REV3L: variants seen among roughly 807,000 people sequenced by gnomAD.
REV3L encodes REV3 like, DNA directed polymerase zeta catalytic subunit.
A neutral mutation model predicts 299.4 loss-of-function variants in REV3L; 69 were observed. The observed-to-expected ratio is 0.23, with a 90% CI of 0.19 to 0.28. REV3L has a LOEUF of 0.28. Among genes scored for constraint, REV3L ranks in the 10% least tolerant of loss-of-function variants. REV3L has a pLI of 1.00. For synonymous variants in REV3L, 1,238 were observed against 1,271.4 expected (o/e 0.97, Z 0.56); for missense variants, 3,128 against 3,693.8 (o/e 0.85, Z 3.97).
At chr6:111,410,622 G>A (rs1255259259) in intron 3 of REV3L, among the ~76,000 whole-genome samples, 1 of 152,182 alleles carries the variant, frequency 6.6e-6, no homozygotes, top group Non-Finnish European at 1.5e-5. Flanking sequence ...CAGGATGTAA[G>A]AAAACTAGTT....
intron 1 of REV3L, among the ~76,000 whole-genome samples, chr6:111,419,526 C>T (rs1785092622): frequency 6.6e-6 from 1 of 152,178 alleles, no homozygotes; most frequent in African/African-American, 2.4e-5. Context: ...GCTGTAAAGT[C>T]TTTAGAGATA....
In REV3L at chr6:111,333,377, G is replaced by A; in HGVS notation, c.7681-10C>T. ...TTGATTCCACACGGTACTGCAGGGA[G>A]AAAGGGAGGTGAGAAGAGAAGAAAC... On this transcript the variant is annotated splice_polypyrimidine_tract_variant and intron_variant, in intron 22 of 31. Coordinates refer to ENST00000368802, the MANE Select transcript of REV3L (RefSeq NM_001372078.1). 2 of 1,612,298 alleles carry A rather than the reference G, an allele frequency of 1.2e-6. No individual in the cohort carries two copies. The highest frequency in any genetic ancestry group is 8.5e-7 in the Non-Finnish European group (1 of 1,178,618).
At chr6:111,377,248 T>A (rs911858352) in intron 12 of REV3L, among the ~76,000 whole-genome samples, 1 of 152,220 alleles carries the variant, frequency 6.6e-6, no homozygotes, top group Non-Finnish European at 1.5e-5. Context: ...AACATCACTA[T>A]AGCCTCCCTT....
chr6:111,427,048 CA>C (rs148400711), intron 1 of REV3L, among the ~76,000 whole-genome samples: 6 of 151,190 alleles, frequency 4.0e-5, no homozygotes, highest in East Asian at 3.9e-4. Flanking sequence ...ACCAAAGTCT[CA>C]AAAAAAAATT....
chr6:111,420,900 G>T (rs369868218), intron 1 of REV3L, among the ~76,000 whole-genome samples: 2 of 152,142 alleles, frequency 1.3e-5, no homozygotes, highest in African/African-American at 4.8e-5. Context: ...CCAGCACTTT[G>T]GGGGCTGAGG....
Position 111,335,485 on chromosome 6 carries a change from A to C in REV3L, c.7664T>G (p.Leu2555Arg). 1 of 1,612,942 alleles carries C rather than the reference A, an allele frequency of 6.2e-7. No individual in the cohort carries two copies. The highest frequency in any genetic ancestry group is 8.5e-7 in the Non-Finnish European group (1 of 1,179,428). Residue 2555 changes from leucine to arginine, a missense_variant, in exon 22 of 32, where the codon CTG becomes CGG. Around this residue, in one of 9 missense-constraint regions of REV3L, gnomAD observed 149 missense variants for 286.4 expected, o/e 0.52. Coordinates refer to ENST00000368802, the MANE Select transcript of REV3L (RefSeq NM_001372078.1). Reference sequence around the variant, plus strand: ...ATTTCCCACCTGTGAACCCCTTGTCAGTACATGTAAAAACTGAATGCCAAA... The same window carrying C: ...ATTTCCCACCTGTGAACCCCTTGTCCGTACATGTAAAAACTGAATGCCAAA... ...RLFGIQFLHVLTRGSQYRVES... is the reference protein window; with the variant it reads ...RLFGIQFLHVRTRGSQYRVES...
intron 2 of REV3L, 104 bp downstream of exon 2, chr6:111,416,179 T>TA: frequency 1.3e-6 from 1 of 751,722 alleles, no homozygotes; most frequent in Non-Finnish European, 1.9e-6. Context: ...ACAGTTCCAT[T>TA]AGACTAGAAG....
In REV3L at chr6:111,422,649, C is replaced by CGT. The variant is rs1486494405; in HGVS notation, c.140-6178_140-6177insAC. On this transcript the variant is annotated intron_variant, in intron 1 of 31. Coordinates refer to ENST00000368802, the MANE Select transcript of REV3L (RefSeq NM_001372078.1). ...ATATATACACATATATATATATATA[C>CGT]ATATATATATATACATATATATATA... is the stretch of plus-strand genomic sequence containing the variant. Among the ~76,000 whole-genome samples, 184 of 22,508 alleles carry CGT rather than the reference C, an allele frequency of 8.2e-3. 36 individuals carry two copies. Among genetic ancestry groups the CGT allele is most frequent in the South Asian group, 0.069 (40 of 580 alleles). The allele number at this position is 22,508 out of a possible 152,430, so 14.8% of individuals were successfully genotyped here.
intron 2 of REV3L, 129 bp from the exon 3 acceptor site, chr6:111,411,683 A>C: frequency 1.6e-6 from 1 of 636,400 alleles, no homozygotes; most frequent in Admixed American, 3.2e-5. Context: ...CCCCCCAAAA[A>C]ACAACTAAAA....
Position 111,389,280 on chromosome 6 carries a change from T to TAAA in REV3L, c.758-71_758-70insTTT. 2.6e-6 allele frequency: 3 copies of TAAA among 1,132,842 alleles called. No individual in the cohort carries two copies. The African/African-American group carries it at 4.7e-5, about 18-fold the overall frequency. 70.2% of individuals were successfully genotyped at this position (1,132,842 alleles called of 1,614,324 possible). A position where few individuals can be genotyped will look rare whatever the true frequency, so the allele number is the denominator to read the frequency against. ...AATGCCTAAAAAATCTAAACTTTTCTTTAACAAATACTGCCTTTAAAAAAA... is the reference window on the plus strand; with the variant it reads ...AATGCCTAAAAAATCTAAACTTTTCTAAATTAACAAATACTGCCTTTAAAAAAA... On this transcript the variant is annotated intron_variant, in intron 6 of 31. Coordinates refer to ENST00000368802, the MANE Select transcript of REV3L (RefSeq NM_001372078.1).
intron 18 of REV3L, among the ~76,000 whole-genome samples, chr6:111,356,456 G>C (rs1778095888): frequency 6.6e-6 from 1 of 151,956 alleles, no homozygotes; most frequent in Non-Finnish European, 1.5e-5. Flanking sequence ...ACTACCAAAT[G>C]GTCAAAAGAG....
Position 111,311,349 on chromosome 6 carries a change from G to A in REV3L, c.8605-90C>T, listed in dbSNP as rs1210841488. 3 of 892,506 alleles carry A rather than the reference G, an allele frequency of 3.4e-6. No individual in the cohort carries two copies. In the East Asian group the frequency reaches 7.7e-5, roughly 23 times the overall value. 55.3% of individuals were successfully genotyped at this position (892,506 alleles called of 1,614,324 possible). A position where few individuals can be genotyped will look rare whatever the true frequency, so the allele number is the denominator to read the frequency against. On this transcript the variant is annotated intron_variant, in intron 28 of 31. Transcript: ENST00000368802. ...TACACTTTCAATTATGTAACTACTG[G>A]GTAACCTGCTAACCTACCTAAATAA...
chr6:111,299,858 A>G lies in REV3L; in HGVS notation c.*158T>C. ...AGAAGTGAGCTATTCAGAGATCAAC[A>G]AGTACATTTTAATTCGGTTAGCATA... On this transcript the variant is annotated 3_prime_UTR_variant, in exon 32 of 32. Coordinates refer to ENST00000368802, the MANE Select transcript of REV3L (RefSeq NM_001372078.1). The G allele has an allele frequency of 1.7e-6, 1 of 602,658 alleles. No individual in the cohort carries two copies. Among genetic ancestry groups the G allele is most frequent in the Non-Finnish European group, 2.7e-6 (1 of 366,416 alleles). The allele number at this position is 602,658 out of a possible 1,614,324, so 37.3% of individuals were successfully genotyped here.
intron 26 of REV3L, 47 bp from the exon 27 acceptor site, chr6:111,315,428 C>T: frequency 6.7e-7 from 1 of 1,481,636 alleles, no homozygotes; most frequent in Non-Finnish European, 9.3e-7. Context: ...GTCATTATAA[C>T]AAAAATTTTA....
At chr6:111,356,975 C>A in intron 18 of REV3L, 39 bp downstream of exon 18, 1 of 1,134,678 alleles carries the variant, frequency 8.8e-7, no homozygotes, top group Non-Finnish European at 1.3e-6. Context: ...AAACGACTCT[C>A]TGAATAAAAC....
chr6:111,482,476 C>T (rs993886616), intron 1 of REV3L, among the ~76,000 whole-genome samples: 1 of 152,048 alleles, frequency 6.6e-6, no homozygotes, highest in Admixed American at 6.5e-5. Flanking sequence ...AGTGCGGCTC[C>T]CGCTCCCGGC....
In REV3L at chr6:111,381,406, C is replaced by T; in HGVS notation, c.1135G>A (p.Glu379Lys). Reference protein sequence around the residue: ...RHKVEEALINEEAILNLMENS... With the variant: ...RHKVEEALINKEAILNLMENS... ...TCCATAAGGTTCAAAATTGCTTCTT[C>T]ATTAATAAGAGCTTCTTCCACTTTG... is the stretch of plus-strand genomic sequence containing the variant. Residue 379 changes from glutamate (E) to lysine (K), a missense_variant, in exon 10 of 32, where the codon GAA (glutamate) becomes AAA (lysine). By Grantham distance (56) the Glu-to-Lys change is moderately conservative. Coordinates refer to ENST00000368802, the MANE Select transcript of REV3L (RefSeq NM_001372078.1). 1.2e-6 allele frequency: 2 copies of T among 1,613,252 alleles called. No homozygotes were observed. The highest frequency in any genetic ancestry group is 2.2e-5 in the East Asian group (1 of 44,764).
rs1205765954 is a variant in REV3L at position 111,375,548 on chromosome 6, A to G, written c.2807T>C (p.Phe936Ser). ...NYETEDSESS[F>S]VTHNSKISLP... ...ACTAATTTTTGAGTTGTGAGTTACA[A>G]AACTTGACTCACTGTCTTCAGTCTC... The change falls in exon 13 of 32, where the codon TTT (phenylalanine) becomes TCT (serine). Residue 936 changes from phenylalanine (F) to serine (S), a missense_variant. Phe to Ser is a radical substitution (Grantham distance 155, BLOSUM62 -2). Around this residue, in one of 9 missense-constraint regions of REV3L, gnomAD observed 2,409 missense variants for 2,611.8 expected, o/e 0.92. Coordinates refer to ENST00000368802, the MANE Select transcript of REV3L (RefSeq NM_001372078.1). 1.9e-6 allele frequency: 3 copies of G among 1,613,562 alleles called. No homozygotes were observed. Among genetic ancestry groups the G allele is most frequent in the Non-Finnish European group, 2.5e-6 (3 of 1,179,862 alleles).
chr6:111,389,943 T>C (rs992950897), intron 6 of REV3L, 143 bp downstream of exon 6: 7 of 500,858 alleles, frequency 1.4e-5, no homozygotes, highest in Non-Finnish European at 2.2e-5. Context: ...TTCACCATGT[T>C]GGCCAGGATG....
Sources: gnomAD v4.1 joint callset for allele counts (sites outside exome capture counted in the v4.1 genomes callset) on GRCh38, gnomAD v4.1.1 for gene constraint, gnomAD v4.1.1 regional missense constraint, MANE v1.5 for transcripts, NCBI Gene and HGNC (gene_info 2026-07-23, HGNC 2026-07-21) for gene names.